SGMS1: variants seen among roughly 807,000 people sequenced by gnomAD.
SGMS1 encodes sphingomyelin synthase 1.
A neutral mutation model predicts 46.2 loss-of-function variants in SGMS1; 13 were observed. The observed-to-expected ratio is 0.28, with a 90% confidence interval of 0.18 to 0.45. The LOEUF (loss-of-function observed/expected upper bound fraction) is 0.45. Ranked by LOEUF, SGMS1 falls within the 20% of genes least tolerant of loss-of-function variation. The pLI, the probability that SGMS1 is intolerant of heterozygous loss-of-function variation, is 1.00. For missense variants in SGMS1, 324 were observed against 519.9 expected (o/e 0.62, Z 3.66); for synonymous variants, 203 against 187.8 (o/e 1.08, Z -0.66).
intron 2 of SGMS1, among the ~76,000 whole-genome samples, chr10:50,545,303 G>A (rs986113329): frequency 6.6e-6 from 1 of 152,200 alleles, no homozygotes; most frequent in African/African-American, 2.4e-5. Context: ...AGAAGTATTT[G>A]TGTGTCCCCT....
rs117338504 is a variant in SGMS1 at position 50,618,813 on chromosome 10, C to T, written c.-684+4894G>A. ...CTTAGAGCAGCGGTTCTCAAACTTT[C>T]CCATGTATCAGAATCTCCAACCTGG... On this transcript the variant is annotated intron_variant, in intron 1 of 10. Transcript: ENST00000361781. Among the ~76,000 whole-genome samples, 1,061 of 152,292 alleles carry T rather than the reference C, an allele frequency of 7.0e-3. 3 individuals carry two copies. Among genetic ancestry groups the T allele is most frequent in the Non-Finnish European group, 0.011 (744 of 68,028 alleles).
At chr10:50,523,940 T>C (rs1837877401) in intron 2 of SGMS1, among the ~76,000 whole-genome samples, 1 of 152,224 alleles carries the variant, frequency 6.6e-6, no homozygotes, top group South Asian at 2.1e-4. Flanking sequence ...CAAACACAGT[T>C]TGCAGACTGA....
chr10:50,556,947 C>A (rs1838194058), intron 2 of SGMS1, among the ~76,000 whole-genome samples: 2 of 152,170 alleles, frequency 1.3e-5, no homozygotes, highest in Non-Finnish European at 2.9e-5. Context: ...ATCACTCAGT[C>A]TTCCTTGTAG....
At chr10:50,603,607 C>T (rs2131914621) in intron 1 of SGMS1, among the ~76,000 whole-genome samples, 1 of 152,290 alleles carries the variant, frequency 6.6e-6, no homozygotes, top group South Asian at 2.1e-4. Context: ...CAAATGGTAA[C>T]TCAAGGCAAC....
intron 6 of SGMS1, among the ~76,000 whole-genome samples, chr10:50,386,873 G>A (rs1327825816): frequency 6.6e-6 from 1 of 152,074 alleles, no homozygotes; most frequent in East Asian, 1.9e-4. Flanking sequence ...ACTATGACCC[G>A]AGCTTTTTAA....
At chr10:50,477,981 A>G (rs1282585089) in intron 3 of SGMS1, among the ~76,000 whole-genome samples, 2 of 152,242 alleles carry the variant, frequency 1.3e-5, no homozygotes, top group Non-Finnish European at 2.9e-5. Flanking sequence ...AGATCATGCA[A>G]ATCAGACAGA....
intron 5 of SGMS1, among the ~76,000 whole-genome samples, chr10:50,457,300 A>G (rs1837203768): frequency 1.3e-5 from 2 of 152,240 alleles, no homozygotes; most frequent in Admixed American, 6.5e-5. Context: ...TTACCAAAAT[A>G]TTATCAATGG....
chr10:50,311,519 A>G (rs1589379949), intron 8 of SGMS1, 104 bp from the exon 9 acceptor site: 1 of 1,200,140 alleles, frequency 8.3e-7, no homozygotes, highest in Non-Finnish European at 1.1e-6. Flanking sequence ...ATATTAAGAA[A>G]CATAAAATCC....
rs573386594 is a variant in SGMS1 at position 50,527,063 on chromosome 10, CAAAAAAAAAAAAAA to C, written c.-588-7156_-588-7143del. On this transcript the variant is annotated intron_variant, in intron 2 of 10. Coordinates refer to ENST00000361781, the MANE Select transcript of SGMS1 (RefSeq NM_147156.4). ...TGGGTGACAGAGTGAGACTCTGTCT[CAAAAAAAAAAAAAA>C]AAAAAAAAAAAAGAAAGAAAGAAAA... 5.0e-4 allele frequency among the ~76,000 whole-genome samples: 45 copies of C among 90,754 alleles called. 1 individual carries two copies. The South Asian group carries it at 7.0e-3, about 14-fold the overall frequency. 59.5% of individuals were successfully genotyped at this position (90,754 alleles called of 152,430 possible).
chr10:50,373,452 G>T (rs1589412562), intron 6 of SGMS1, among the ~76,000 whole-genome samples: 3 of 152,310 alleles, frequency 2.0e-5, no homozygotes, highest in East Asian at 3.9e-4. Flanking sequence ...TGAAAAGTCA[G>T]TTTCATATAT....
At chr10:50,356,976 G>T (rs1171321750) in intron 6 of SGMS1, among the ~76,000 whole-genome samples, 5 of 151,824 alleles carry the variant, frequency 3.3e-5, no homozygotes, top group Admixed American at 2.6e-4. Flanking sequence ...TAAATGACGA[G>T]TTAATGGGTG....
intron 6 of SGMS1, among the ~76,000 whole-genome samples, chr10:50,426,755 T>A (rs940471426): frequency 6.6e-6 from 1 of 152,156 alleles, no homozygotes; most frequent in African/African-American, 2.4e-5. Flanking sequence ...AAACCACTAG[T>A]CAGACAGACC....
Position 50,327,320 on chromosome 10 carries a change from G to T in SGMS1, c.626C>A (p.Ser209Tyr). Residue 209 changes from serine (S) to tyrosine (Y), a missense_variant and splice_region_variant, in exon 8 of 11, where the codon TCT becomes TAT. This residue lies in a region of SGMS1 where 174 missense variants were observed against 350.1 expected (regional missense o/e 0.50). Coordinates refer to ENST00000361781, the MANE Select transcript of SGMS1 (RefSeq NM_147156.4). ...GCAGAAAAATCTTCTGCTAATAATA[G>T]ACCTAGAAAAAGGGAAAAACAGGGC... The part of the protein sequence containing the change: ...LIQWLLLKYK[S>Y]IISRRFFCIV... 2 of 1,576,248 alleles carry T rather than the reference G, an allele frequency of 1.3e-6. No homozygotes were observed. The highest frequency in any genetic ancestry group is 1.7e-6 in the Non-Finnish European group (2 of 1,149,556).
At chr10:50,526,359 A>T (rs1837901570) in intron 2 of SGMS1, among the ~76,000 whole-genome samples, 1 of 152,000 alleles carries the variant, frequency 6.6e-6, no homozygotes, top group South Asian at 2.1e-4. Flanking sequence ...AGCATGGGGG[A>T]TATCTGCCCC....
At chr10:50,512,988 AAATG>A (rs1837770660) in intron 3 of SGMS1, among the ~76,000 whole-genome samples, 2 of 152,150 alleles carry the variant, frequency 1.3e-5, no homozygotes, top group African/African-American at 4.8e-5. Flanking sequence ...ATACACCACA[AAATG>A]AAGTAGGGAC....
intron 6 of SGMS1, among the ~76,000 whole-genome samples, chr10:50,421,633 C>G (rs889200729): frequency 2.6e-5 from 4 of 152,184 alleles, no homozygotes; most frequent in African/African-American, 4.8e-5. Flanking sequence ...CCAATTAAAG[C>G]TCCCCTTAGG....
intron 6 of SGMS1, among the ~76,000 whole-genome samples, chr10:50,365,732 C>T (rs548754546): frequency 9.3e-4 from 141 of 152,282 alleles, no homozygotes; most frequent in African/African-American, 2.9e-3. Context: ...TTACTTCCAG[C>T]TTCATCCACG....
At chr10:50,405,228 TA>T (rs554012698) in intron 6 of SGMS1, among the ~76,000 whole-genome samples, 14 of 151,680 alleles carry the variant, frequency 9.2e-5, no homozygotes, top group Admixed American at 2.0e-4. Context: ...AAAACCTAAT[TA>T]AAAAAAATAA....
chr10:50,465,284 T>A (rs1433468228), intron 4 of SGMS1, among the ~76,000 whole-genome samples: 1 of 152,124 alleles, frequency 6.6e-6, no homozygotes, highest in East Asian at 1.9e-4. Flanking sequence ...CTCTTAAGTA[T>A]GAACAGACAA....
Sources: allele counts gnomAD v4.1 joint callset (sites outside exome capture counted in the v4.1 genomes callset), GRCh38; gene constraint gnomAD v4.1.1; regional missense constraint gnomAD v4.1.1; transcripts MANE v1.5; gene names NCBI Gene and HGNC (gene_info 2026-07-23, HGNC 2026-07-21).